PLCB1: variants seen among roughly 807,000 people sequenced by gnomAD.
The protein encoded by PLCB1 is 1-phosphatidylinositol 4,5-bisphosphate phosphodiesterase beta-1.
A neutral mutation model predicts 161.8 loss-of-function variants in PLCB1; 46 were observed. The ratio of observed to expected loss-of-function variants is 0.28; its 90% CI spans 0.22 to 0.36. PLCB1 has a LOEUF of 0.36. Among genes scored for constraint, PLCB1 ranks in the 10% least tolerant of loss-of-function variants. The pLI is 1.00. For synonymous variants in PLCB1, 517 were observed against 503.7 expected (o/e 1.03, Z -0.35); for missense variants, 1,016 against 1,472.5 (o/e 0.69, Z 5.07).
rs745342011 is a variant in PLCB1 at position 8,739,210 on chromosome 20, C to A, written c.2209-51C>A. 5 of 1,053,854 alleles carry A rather than the reference C, an allele frequency of 4.7e-6. No individual in the cohort carries two copies. The East Asian group carries it at 7.1e-5, about 15-fold the overall frequency. The allele number at this position is 1,053,854 out of a possible 1,614,324, so 65.3% of individuals were successfully genotyped here. On this transcript the variant is annotated intron_variant, in intron 20 of 31. Transcript: ENST00000338037. The stretch of plus-strand genomic sequence containing the variant: ...TTGAATAATACCTTTCTAATTATTT[C>A]TTGGAATTGTTCATTCTTATAACCA...
At position 8,672,559 on chromosome 20, in the gene PLCB1, G is replaced by A. The variant is rs183000963; in HGVS notation, c.863-12373G>A. 2.1e-4 allele frequency among the ~76,000 whole-genome samples: 32 copies of A among 152,146 alleles called. 1 individual carries two copies. The highest frequency in any genetic ancestry group is 7.5e-4 in the African/African-American group (31 of 41,524). On this transcript the variant is annotated intron_variant, in intron 9 of 31. Transcript: ENST00000338037. ...CTAGTTCTTTGATGCCATGATGTGG[G>A]CATTTCCTAGCTAACCATCCAGATA...
intron 31 of PLCB1, among the ~76,000 whole-genome samples, chr20:8,801,301 C>T (rs1158152278): frequency 6.6e-6 from 1 of 152,158 alleles, no homozygotes; most frequent in Non-Finnish European, 1.5e-5. Context: ...TCCATGACCA[C>T]TTTATTAAAA....
At chr20:8,741,349 A>G in intron 22 of PLCB1, 115 bp from the exon 23 acceptor site, 5 of 660,270 alleles carry the variant, frequency 7.6e-6, no homozygotes, top group South Asian at 1.7e-5. Flanking sequence ...ATGGGTGGGT[A>G]GATGGGTGAT....
intron 2 of PLCB1, among the ~76,000 whole-genome samples, chr20:8,330,211 A>G (rs1312612856): frequency 6.6e-6 from 1 of 152,230 alleles, no homozygotes; most frequent in Admixed American, 6.5e-5. Context: ...TGTTCTTAGT[A>G]CTTTACAGTG....
At chr20:8,586,664 G>A (rs1259537565) in intron 3 of PLCB1, among the ~76,000 whole-genome samples, 2 of 152,108 alleles carry the variant, frequency 1.3e-5, no homozygotes, top group Admixed American at 1.3e-4. Context: ...AAAAATCTTG[G>A]AATGTTAAAT....
At chr20:8,148,686 G>C (rs768930107) in intron 1 of PLCB1, among the ~76,000 whole-genome samples, 2 of 152,150 alleles carry the variant, frequency 1.3e-5, no homozygotes, top group African/African-American at 4.8e-5. Flanking sequence ...ACAAGACATG[G>C]CATATACATA....
chr20:8,777,396 T>TA (rs1982996494), intron 27 of PLCB1, among the ~76,000 whole-genome samples: 1 of 151,982 alleles, frequency 6.6e-6, no homozygotes, highest in Admixed American at 6.6e-5. Context: ...TGACTCAAGT[T>TA]TACTAACAGG....
intron 2 of PLCB1, among the ~76,000 whole-genome samples, chr20:8,193,466 T>A (rs73895588): frequency 0.014 from 2,189 of 151,986 alleles, 47 homozygotes; most frequent in African/African-American, 0.049. Flanking sequence ...TATGGGTTGA[T>A]TTGGAAATAT....
At chr20:8,458,422 C>T (rs528973803) in intron 3 of PLCB1, among the ~76,000 whole-genome samples, 1 of 152,092 alleles carries the variant, frequency 6.6e-6, no homozygotes, top group African/African-American at 2.4e-5. Flanking sequence ...TCATAAAATT[C>T]TAATGTCCTA....
In PLCB1 at chr20:8,601,090, C is replaced by G. The variant is rs144379240; in HGVS notation, c.247-27204C>G. 5.6e-3 allele frequency among the ~76,000 whole-genome samples: 849 copies of G among 152,156 alleles called. 15 individuals carry two copies. The highest frequency in any genetic ancestry group is 0.018 in the African/African-American group (743 of 41,490). On this transcript the variant is annotated intron_variant, in intron 3 of 31. Transcript: ENST00000338037. Reference sequence around the variant, plus strand: ...GTCGCTCACGCTGGGAGCTGTAGACCGGAGCTGTTCCTATTCGGCCATCTT... The same window carrying G: ...GTCGCTCACGCTGGGAGCTGTAGACGGGAGCTGTTCCTATTCGGCCATCTT...
intron 9 of PLCB1, among the ~76,000 whole-genome samples, chr20:8,660,573 G>A (rs1441547594): frequency 2.6e-5 from 4 of 151,986 alleles, no homozygotes; most frequent in Admixed American, 2.0e-4. Context: ...ATCATCCTCT[G>A]ATGACTTGCA....
intron 2 of PLCB1, among the ~76,000 whole-genome samples, chr20:8,363,973 G>A (rs562013134): frequency 3.0e-4 from 45 of 152,174 alleles, no homozygotes; most frequent in South Asian, 6.2e-4. Context: ...AAATACATAC[G>A]ATTATTATTG....
chr20:8,382,223 A>T (rs1390728354), intron 3 of PLCB1, among the ~76,000 whole-genome samples: 1 of 150,712 alleles, frequency 6.6e-6, no homozygotes, highest in African/African-American at 2.4e-5. Context: ...CCCAGGAGTC[A>T]TTCAGGAGCA....
At chr20:8,550,390 T>G (rs1985733055) in intron 3 of PLCB1, among the ~76,000 whole-genome samples, 1 of 152,102 alleles carries the variant, frequency 6.6e-6, no homozygotes, top group African/African-American at 2.4e-5. Context: ...TAGGGGTGGC[T>G]TCCCCCGTGT....
At chr20:8,788,008 T>C (rs1171832608) in intron 27 of PLCB1, among the ~76,000 whole-genome samples, 1 of 152,248 alleles carries the variant, frequency 6.6e-6, no homozygotes, top group Non-Finnish European at 1.5e-5. Context: ...ATTTGTGTCA[T>C]ACTTATTTTT....
intron 2 of PLCB1, among the ~76,000 whole-genome samples, chr20:8,183,036 G>T (rs1343215627): frequency 2.0e-5 from 3 of 152,120 alleles, no homozygotes; most frequent in African/African-American, 7.2e-5. Context: ...GCTGAGCTGG[G>T]CCCAGATCAG....
intron 3 of PLCB1, among the ~76,000 whole-genome samples, chr20:8,511,854 AT>A (rs957430648): frequency 6.6e-6 from 1 of 151,988 alleles, no homozygotes; most frequent in East Asian, 1.9e-4. Flanking sequence ...TTCTTTACCC[AT>A]TTTTTTAAAA....
At chr20:8,835,481 C>T (rs964725440) in intron 31 of PLCB1, among the ~76,000 whole-genome samples, 10 of 152,044 alleles carry the variant, frequency 6.6e-5, no homozygotes, top group African/African-American at 2.4e-4. Flanking sequence ...GAGATCTATG[C>T]TGTATAAAAA....
intron 3 of PLCB1, among the ~76,000 whole-genome samples, chr20:8,609,728 C>G (rs927988922): frequency 6.6e-6 from 1 of 152,096 alleles, no homozygotes; most frequent in Non-Finnish European, 1.5e-5. Context: ...ACTGAAATCT[C>G]AATCTCCTGG....
Sources: gnomAD v4.1 joint callset for allele counts (sites outside exome capture counted in the v4.1 genomes callset) on GRCh38, gnomAD v4.1.1 for gene constraint, MANE v1.5 for transcripts, NCBI Gene and HGNC (gene_info 2026-07-23, HGNC 2026-07-21) for gene names.